Variants in C1orf115 observed in about 807,000 individuals in gnomAD.
C1orf115 encodes the protein required for drug-induced death protein 1.
C1orf115 carries 14 observed loss-of-function variants against 12.5 expected under a neutral mutation model. The ratio of observed to expected loss-of-function variants is 1.12; its 90% CI spans 0.74 to 1.75. The LOEUF (loss-of-function observed/expected upper bound fraction) is 1.75, where lower values mean the gene tolerates loss of function less well. Ranked by LOEUF, C1orf115 falls within the 40% of genes most tolerant of loss-of-function variation. C1orf115 has a pLI of 0.00. For synonymous variants in C1orf115, 109 were observed against 104.6 expected, an observed-to-expected ratio of 1.04 and a Z score of -0.26; for missense variants, 237 against 220.8, an observed-to-expected ratio of 1.07 and a Z score of -0.46.
At chr1:220,696,068 A>G (rs1052267456) in intron 1 of C1orf115, among the ~76,000 whole-genome samples, 2 of 152,194 alleles carry the variant, frequency 1.3e-5, no homozygotes, top group Non-Finnish European at 2.9e-5. Context: ...TTATAATGGT[A>G]TTGGAAATGC....
chr1:220,696,629 C>T lies in C1orf115; in HGVS notation c.327C>T (p.Ile109=), dbSNP rs199583660. 8.2e-6 allele frequency: 13 copies of T among 1,592,406 alleles called. No homozygotes were observed. The highest frequency in any genetic ancestry group is 1.1e-5 in the Non-Finnish European group (13 of 1,162,236). ...AACACTAGAATGTCGGGAAGGTCATCATCAAAGGATGCCGCTACGTGGTCA... is the reference window on the plus strand; with the variant it reads ...AACACTAGAATGTCGGGAAGGTCATTATCAAAGGATGCCGCTACGTGGTCA... ...KKYGKNVGKV[I]IKGCRYVVIG... The change falls in exon 2 of 2, where the codon ATC becomes ATT. Residue 109 remains isoleucine, a synonymous_variant. Transcript: ENST00000294889.
In C1orf115 at chr1:220,690,435, GGA is replaced by G. The variant is rs758492110; in HGVS notation, c.37_38del (p.Ser13GlnfsTer159). 1 of 1,443,546 alleles carries G rather than the reference GGA, an allele frequency of 6.9e-7. No individual in the cohort carries two copies. The highest frequency in any genetic ancestry group is 1.4e-5 in the South Asian group (1 of 71,296). 89.4% of individuals were successfully genotyped at this position (1,443,546 alleles called of 1,614,324 possible). ...TGGGAGCCAGGCTCCGAAGCAAGGC[GGA>G]GAGCAGCCTCCTGCGCCGCGGGCCC... The part of the protein sequence containing the change: ...TVGARLRSKA[E>X]SSLLRRGPRG... On this transcript the variant is annotated frameshift_variant, in exon 1 of 2. Transcript: ENST00000294889. LOFTEE classifies it high-confidence loss of function.
rs879062727 is a variant in C1orf115 at position 220,697,864 on chromosome 1, T to TA, written c.*1134dup. On this transcript the variant is annotated 3_prime_UTR_variant, in exon 2 of 2. Coordinates refer to ENST00000294889, the MANE Select transcript of C1orf115 (RefSeq NM_024709.5). The surrounding 1 kb of genome is among the most constrained non-coding windows in gnomAD (Gnocchi z 4.5). ...TTCAGGTAGGCTGGGCCTGTGCCTC[T>TA]AGGTAGGGACAAGGGAGGCTGGGTA... is the stretch of plus-strand genomic sequence containing the variant. 4.8e-4 allele frequency: 73 copies of TA among 152,902 alleles called. 1 individual carries two copies. Among genetic ancestry groups the TA allele is most frequent in the Non-Finnish European group, 4.8e-4 (33 of 68,538 alleles). 9.5% of individuals were successfully genotyped at this position (152,902 alleles called of 1,614,324 possible).
rs1403168449 is a variant in C1orf115, at chr1:220,699,131, A to G, written c.*2400A>G. 2 of 152,120 alleles carry G rather than the reference A, an allele frequency of 1.3e-5. No individual in the cohort carries two copies. Among genetic ancestry groups the G allele is most frequent in the East Asian group, 3.9e-4 (2 of 5,184 alleles). 9.4% of individuals were successfully genotyped at this position (152,120 alleles called of 1,614,324 possible). ...TATCCTTTTCTTGTCCTATGATGTA[A>G]ATAAAAGCCTCGATTTATGTAATGT... is the stretch of plus-strand genomic sequence containing the variant. On this transcript the variant is annotated 3_prime_UTR_variant, in exon 2 of 2. Transcript: ENST00000294889.
chr1:220,693,849 C>T (rs112459267), intron 1 of C1orf115, among the ~76,000 whole-genome samples: 3,013 of 152,088 alleles, frequency 0.02, 99 homozygotes, highest in African/African-American at 0.068. Flanking sequence ...GAGGCTGAGG[C>T]GGGTGGATCA....
chr1:220,696,669 T>C lies in C1orf115; in HGVS notation c.367T>C (p.Phe123Leu). ...CRYVVIGLQG[F>L]AAAYSAPFAV... ...CTACGTGGTCATCGGCCTGCAAGGC[T>C]TCGCTGCAGCCTACTCCGCCCCGTT... is the stretch of plus-strand genomic sequence containing the variant. The change falls in exon 2 of 2, where the codon TTC (phenylalanine) becomes CTC (leucine). Residue 123 changes from phenylalanine (F) to leucine (L), a missense_variant. By Grantham distance (22) the Phe-to-Leu change is conservative (BLOSUM62 0). Transcript: ENST00000294889. 1.9e-6 allele frequency: 3 copies of C among 1,604,044 alleles called. No individual in the cohort carries two copies. Among genetic ancestry groups the C allele is most frequent in the Non-Finnish European group, 2.6e-6 (3 of 1,171,544 alleles).
intron 1 of C1orf115, among the ~76,000 whole-genome samples, chr1:220,694,339 A>G (rs1450817401): frequency 3.3e-5 from 5 of 152,166 alleles, no homozygotes; most frequent in African/African-American, 1.2e-4. Flanking sequence ...TACTCCTCTT[A>G]ACAACCCAAT....
intron 1 of C1orf115, among the ~76,000 whole-genome samples, chr1:220,690,961 C>A (rs957953403): frequency 6.6e-6 from 1 of 152,180 alleles, no homozygotes; most frequent in Non-Finnish European, 1.5e-5. Context: ...TAAGAACATT[C>A]TCAAGGGGCT....
intron 1 of C1orf115, among the ~76,000 whole-genome samples, chr1:220,694,566 C>T (rs2102517419): frequency 6.6e-6 from 1 of 152,288 alleles, no homozygotes; most frequent in East Asian, 1.9e-4. Context: ...CTGCCCCTAA[C>T]CAGATATATA....
At chr1:220,692,777 A>G (rs1670132489) in intron 1 of C1orf115, among the ~76,000 whole-genome samples, 1 of 152,238 alleles carries the variant, frequency 6.6e-6, no homozygotes, top group African/African-American at 2.4e-5. Flanking sequence ...GGCTGTACGC[A>G]CTTTAAAATG....
rs1670213607 is a variant in C1orf115 at position 220,697,538 on chromosome 1, AC to A, written c.*809del. ...TCGGCCCAGCCACGTGTTTGCAGCG[AC>A]CAGAGTCCCTGCAAAGGTGTGGCTG... is the stretch of plus-strand genomic sequence containing the variant. On this transcript the variant is annotated 3_prime_UTR_variant, in exon 2 of 2. Coordinates refer to ENST00000294889, the MANE Select transcript of C1orf115 (RefSeq NM_024709.5). This position sits in a 1 kb window ranked among gnomAD's most constrained non-coding sequence, Gnocchi z 4.5. The A allele has an allele frequency of 6.6e-6, 1 of 152,250 alleles. No individual in the cohort carries two copies. The highest frequency in any genetic ancestry group is 2.4e-5 in the African/African-American group (1 of 41,446). 9.4% of individuals were successfully genotyped at this position (152,250 alleles called of 1,614,324 possible).
At chr1:220,696,499 G>C (rs77798645) in intron 1 of C1orf115, 113 bp from the exon 2 acceptor site, 1 of 1,266,290 alleles carries the variant, frequency 7.9e-7, no homozygotes, top group African/African-American at 1.5e-5. Flanking sequence ...AGAGAATCAG[G>C]AAAAATGATC....
chr1:220,690,624 G>A lies in C1orf115; in HGVS notation c.222G>A (p.Leu74=). 1.3e-6 allele frequency: 2 copies of A among 1,554,912 alleles called. No homozygotes were observed. The highest frequency in any genetic ancestry group is 1.7e-6 in the Non-Finnish European group (2 of 1,153,816). ...RGARRVHFAL[L]PERYEPLEEP... ...CGCGGAGGGTGCACTTCGCCCTCCT[G>A]CCCGAGCGCTACGAGCCACTGGAGG... is the stretch of plus-strand genomic sequence containing the variant. The change falls in exon 1 of 2, where the codon CTG becomes CTA. Residue 74 remains leucine (L), a synonymous_variant. Transcript: ENST00000294889.
intron 1 of C1orf115, among the ~76,000 whole-genome samples, chr1:220,693,637 A>T (rs769086539): frequency 6.6e-6 from 1 of 152,202 alleles, no homozygotes; most frequent in Non-Finnish European, 1.5e-5. Flanking sequence ...AGACACAGAC[A>T]TTACTTGGTT....
In C1orf115 at chr1:220,690,619, C is replaced by T. The variant is rs1241718967; in HGVS notation, c.217C>T (p.Leu73Phe). 10 of 1,549,836 alleles carry T rather than the reference C, an allele frequency of 6.5e-6. No individual in the cohort carries two copies. Among genetic ancestry groups the T allele is most frequent in the African/African-American group, 1.4e-5 (1 of 70,400 alleles). Residue 73 changes from leucine to phenylalanine, a missense_variant, in exon 1 of 2, where the codon CTC becomes TTC. Leu to Phe is a conservative substitution (Grantham distance 22). Coordinates refer to ENST00000294889, the MANE Select transcript of C1orf115 (RefSeq NM_024709.5). ...TRGARRVHFA[L>F]LPERYEPLEE... ...GGGCGCGCGGAGGGTGCACTTCGCC[C>T]TCCTGCCCGAGCGCTACGAGCCACT...
chr1:220,690,395 G>T lies in C1orf115; in HGVS notation c.-8G>T. On this transcript the variant is annotated 5_prime_UTR_variant, in exon 1 of 2. Coordinates refer to ENST00000294889, the MANE Select transcript of C1orf115 (RefSeq NM_024709.5). ...CGCTCGGACCTTCGCCAGAGGGGCC[G>T]GGACATCATGACGGTGGGAGCCAGG... is the stretch of plus-strand genomic sequence containing the variant. 1 of 1,413,700 alleles carries T rather than the reference G, an allele frequency of 7.1e-7. No homozygotes were observed. The highest frequency in any genetic ancestry group is 9.2e-7 in the Non-Finnish European group (1 of 1,091,904). The allele number at this position is 1,413,700 out of a possible 1,614,324, so 87.6% of individuals were successfully genotyped here. A position where few individuals can be genotyped will look rare whatever the true frequency, so the allele number is the denominator to read the frequency against.
At position 220,690,556 on chromosome 1, in the gene C1orf115, G is replaced by T. The variant is rs762244619; in HGVS notation, c.154G>T (p.Gly52Trp). The change falls in exon 1 of 2, where the codon GGG becomes TGG. Residue 52 changes from glycine to tryptophan, a missense_variant. Physicochemically the swap from Gly to Trp is radical, Grantham distance 184. Transcript: ENST00000294889. ...ADEAEAAAESGTSAADERGPG... is the reference protein window; with the variant it reads ...ADEAEAAAESWTSAADERGPG... Reference sequence around the variant, plus strand: ...CGAGGCGGAGGCGGCGGCCGAGAGCGGGACGAGCGCGGCGGACGAGCGGGG... The same window carrying T: ...CGAGGCGGAGGCGGCGGCCGAGAGCTGGACGAGCGCGGCGGACGAGCGGGG... The T allele has an allele frequency of 6.1e-6, 9 of 1,467,430 alleles. No individual in the cohort carries two copies. Among genetic ancestry groups the T allele is most frequent in the Admixed American group, 2.7e-5 (1 of 36,754 alleles). The allele number at this position is 1,467,430 out of a possible 1,614,324, so 90.9% of individuals were successfully genotyped here.
chr1:220,696,632 C>G lies in C1orf115; in HGVS notation c.330C>G (p.Ile110Met). ...KYGKNVGKVIIKGCRYVVIGL... is the reference protein window; with the variant it reads ...KYGKNVGKVIMKGCRYVVIGL... ...ACTAGAATGTCGGGAAGGTCATCAT[C>G]AAAGGATGCCGCTACGTGGTCATCG... The change falls in exon 2 of 2, where the codon ATC becomes ATG. Residue 110 changes from isoleucine to methionine, a missense_variant. Coordinates refer to ENST00000294889, the MANE Select transcript of C1orf115 (RefSeq NM_024709.5). 6.3e-7 allele frequency: 1 copy of G among 1,593,064 alleles called. No individual in the cohort carries two copies. The highest frequency in any genetic ancestry group is 8.6e-7 in the Non-Finnish European group (1 of 1,162,596).
At chr1:220,690,849 C>T in intron 1 of C1orf115, 138 bp downstream of exon 1, 13 of 1,076,980 alleles carry the variant, frequency 1.2e-5, no homozygotes, top group Non-Finnish European at 1.7e-5. Context: ...CTCCCATTCC[C>T]TCGCCGGAGG....
Sources: allele counts gnomAD v4.1 joint callset (sites outside exome capture counted in the v4.1 genomes callset), GRCh38; gene constraint gnomAD v4.1.1; non-coding constraint Gnocchi (gnomAD v3.1); transcripts MANE v1.5; gene names NCBI Gene and HGNC (gene_info 2026-07-23, HGNC 2026-07-21).